The following CTNNA3 variants were observed in gnomAD, a reference collection of about 807,000 sequenced individuals.
CTNNA3 encodes catenin alpha-3.
In CTNNA3, 76 loss-of-function variants were observed where a neutral mutation model predicts 95.7. That is an observed-to-expected ratio of 0.79 (90% confidence interval 0.66 to 0.96). CTNNA3 has a LOEUF of 0.96. Ranked by LOEUF, CTNNA3 falls within the 40% of genes least tolerant of loss-of-function variation. CTNNA3 has a pLI of 0.00. For missense variants in CTNNA3, 1,191 were observed against 1,089.8 expected (o/e 1.09, Z -1.31); for synonymous variants, 431 against 374.4 (o/e 1.15, Z -1.74).
chr10:66,332,304 G>C (rs1051674181), intron 12 of CTNNA3, among the ~76,000 whole-genome samples: 3 of 151,750 alleles, frequency 2.0e-5, no homozygotes, highest in Admixed American at 6.6e-5. Flanking sequence ...TGGTGAGAGA[G>C]GGTATCCCTG....
At chr10:66,543,903 G>GTATA (rs1249395466) in intron 10 of CTNNA3, among the ~76,000 whole-genome samples, 54 of 44,566 alleles carry the variant, frequency 1.2e-3, no homozygotes, top group Non-Finnish European at 2.1e-3. Flanking sequence ...CTTGAGATGT[G>GTATA]TGTGTGTGTA....
At chr10:65,986,393 C>A (rs983733535) in intron 16 of CTNNA3, among the ~76,000 whole-genome samples, 1 of 149,200 alleles carries the variant, frequency 6.7e-6, no homozygotes, top group Non-Finnish European at 1.5e-5. Flanking sequence ...AATCAACCTG[C>A]AAAAATCAAC....
intron 16 of CTNNA3, among the ~76,000 whole-genome samples, chr10:65,972,919 AAAAG>A (rs1391339552): frequency 1.3e-5 from 2 of 151,556 alleles, no homozygotes; most frequent in Non-Finnish European, 2.9e-5. Flanking sequence ...AAAAAAAAAA[AAAAG>A]AAGCCAGAGG....
intron 16 of CTNNA3, among the ~76,000 whole-genome samples, chr10:65,968,225 A>G (rs540412875): frequency 6.6e-6 from 1 of 152,104 alleles, no homozygotes; most frequent in South Asian, 2.1e-4. Context: ...CACTATCTCT[A>G]CAAAAAATAA....
At chr10:66,568,268 T>C (rs565067706) in intron 10 of CTNNA3, among the ~76,000 whole-genome samples, 5 of 152,158 alleles carry the variant, frequency 3.3e-5, no homozygotes, top group Non-Finnish European at 5.9e-5. Flanking sequence ...GAGTGCTTCA[T>C]TGAAAATCAA....
intron 5 of CTNNA3, among the ~76,000 whole-genome samples, chr10:67,303,823 T>G (rs570392391): frequency 2.1e-4 from 32 of 152,328 alleles, no homozygotes; most frequent in African/African-American, 7.2e-4. Flanking sequence ...ATCTGCTAAG[T>G]GAGGATCTAA....
At chr10:66,696,831 C>A (rs1233679337) in intron 9 of CTNNA3, among the ~76,000 whole-genome samples, 4 of 151,856 alleles carry the variant, frequency 2.6e-5, no homozygotes, top group Admixed American at 2.6e-4. Flanking sequence ...CCCAGCTACT[C>A]AGGAGGCTGA....
intron 11 of CTNNA3, among the ~76,000 whole-genome samples, chr10:66,424,254 A>C (rs946875922): frequency 2.6e-5 from 4 of 152,064 alleles, no homozygotes; most frequent in Admixed American, 6.6e-5. Context: ...TTTTCAAAGA[A>C]TCAGCTTTAA....
Position 66,006,385 on chromosome 10 carries a change from C to A in CTNNA3, c.2160-17588G>T, listed in dbSNP as rs374824915. 1.7e-3 allele frequency among the ~76,000 whole-genome samples: 261 copies of A among 152,158 alleles called. 1 individual carries two copies. The highest frequency in any genetic ancestry group is 6.0e-3 in the African/African-American group (247 of 41,502). On this transcript the variant is annotated intron_variant, in intron 15 of 17. Coordinates refer to ENST00000433211, the MANE Select transcript of CTNNA3 (RefSeq NM_013266.4). ...AATGTCCTCCTCACCAACACCCCCCCACACCCAACAAACCAAAAGACTAAA... is the reference window on the plus strand; with the variant it reads ...AATGTCCTCCTCACCAACACCCCCCAACACCCAACAAACCAAAAGACTAAA...
chr10:66,936,319 TA>T (rs769018840), intron 7 of CTNNA3, among the ~76,000 whole-genome samples: 52 of 149,836 alleles, frequency 3.5e-4, no homozygotes, highest in South Asian at 1.1e-3. Context: ...TTCTTAATGT[TA>T]AAAAAAAAAT....
chr10:66,199,792 T>C (rs2087235347), intron 13 of CTNNA3, among the ~76,000 whole-genome samples: 1 of 16,272 alleles, frequency 6.1e-5, no homozygotes, highest in African/African-American at 2.1e-4. Flanking sequence ...TATATATATA[T>C]ATATATATAT....
chr10:66,951,123 T>C (rs1211082337), intron 7 of CTNNA3, among the ~76,000 whole-genome samples: 1 of 142,812 alleles, frequency 7.0e-6, no homozygotes, highest in African/African-American at 2.5e-5. Flanking sequence ...ACACACTGTC[T>C]TTTTTTTTTT....
At chr10:67,555,348 A>G (rs1232799977) in intron 3 of CTNNA3, among the ~76,000 whole-genome samples, 3 of 152,250 alleles carry the variant, frequency 2.0e-5, no homozygotes, top group Non-Finnish European at 2.9e-5. Context: ...CTTGGGCAGT[A>G]TGGCCATTTT....
chr10:66,202,887 AAT>A (rs2087521628), intron 13 of CTNNA3, among the ~76,000 whole-genome samples: 1 of 152,148 alleles, frequency 6.6e-6, no homozygotes, highest in African/African-American at 2.4e-5. Flanking sequence ...TCATGTACTA[AAT>A]GTATATTAGT....
chr10:66,597,808 CT>C (rs1335019169), intron 10 of CTNNA3, among the ~76,000 whole-genome samples: 1 of 151,594 alleles, frequency 6.6e-6, no homozygotes, highest in Non-Finnish European at 1.5e-5. Flanking sequence ...AAGATAAAGA[CT>C]TTTCCAGAAA....
chr10:66,833,390 C>T (rs972136135), intron 7 of CTNNA3, among the ~76,000 whole-genome samples: 1 of 152,166 alleles, frequency 6.6e-6, no homozygotes. Context: ...CTATAATAAG[C>T]ATAATTGCAC....
chr10:66,725,745 TG>T (rs1306088509), intron 9 of CTNNA3, among the ~76,000 whole-genome samples: 1 of 152,094 alleles, frequency 6.6e-6, no homozygotes. Context: ...TTTGGATGCA[TG>T]AAGCAATGGT....
At chr10:66,806,031 G>A (rs1381459832) in intron 7 of CTNNA3, among the ~76,000 whole-genome samples, 1 of 151,944 alleles carries the variant, frequency 6.6e-6, no homozygotes, top group African/African-American at 2.4e-5. Context: ...CTATTTCAAA[G>A]CAATAAAATG....
At chr10:66,182,530 C>T (rs966550495) in intron 13 of CTNNA3, among the ~76,000 whole-genome samples, 1 of 152,136 alleles carries the variant, frequency 6.6e-6, no homozygotes, top group African/African-American at 2.4e-5. Flanking sequence ...GCTGGGATTA[C>T]AGGCGTGAGC....
Sources: allele counts gnomAD v4.1 joint callset (sites outside exome capture counted in the v4.1 genomes callset), GRCh38; gene constraint gnomAD v4.1.1; transcripts MANE v1.5; gene names NCBI Gene and HGNC (gene_info 2026-07-23, HGNC 2026-07-21).